Variants in FRMD4A observed in about 807,000 individuals in gnomAD.
FRMD4A encodes the protein FERM domain-containing protein 4A.
FRMD4A carries 29 observed loss-of-function variants against 129.1 expected under a neutral mutation model. The observed-to-expected ratio is 0.22, with a 90% CI of 0.17 to 0.31. The LOEUF (loss-of-function observed/expected upper bound fraction) is 0.31. Ranked by LOEUF, FRMD4A falls within the 10% of genes least tolerant of loss-of-function variation. The pLI is 1.00. For missense variants in FRMD4A, 1,272 were observed against 1,375.8 expected (o/e 0.92, Z 1.19); for synonymous variants, 634 against 571.6 (o/e 1.11, Z -1.56).
intron 12 of FRMD4A, among the ~76,000 whole-genome samples, chr10:13,724,163 C>T (rs12219634): frequency 0.026 from 4,005 of 152,102 alleles, 138 homozygotes; most frequent in East Asian, 0.11. Flanking sequence ...ACGAGGCAGG[C>T]GGATCACGAG....
At chr10:14,253,081 T>C (rs541842278) in intron 2 of FRMD4A, among the ~76,000 whole-genome samples, 75 of 152,372 alleles carry the variant, frequency 4.9e-4, no homozygotes, top group African/African-American at 1.6e-3. Context: ...TAGATTCTTT[T>C]GACATTTATT....
At chr10:14,306,216 G>A (rs182913702) in intron 2 of FRMD4A, among the ~76,000 whole-genome samples, 1 of 152,278 alleles carries the variant, frequency 6.6e-6, no homozygotes, top group African/African-American at 2.4e-5. Context: ...TGTTAGATGA[G>A]AAACATAAAA....
intron 8 of FRMD4A, among the ~76,000 whole-genome samples, chr10:13,750,121 A>AAAGAAAGAAAGAAAGAAATG (rs2091536183): frequency 1.5e-5 from 2 of 131,392 alleles, no homozygotes; most frequent in African/African-American, 5.4e-5. Context: ...AGAAAGAAAG[A>AAAGAAAGAAAGAAAGAAATG]AAGAAAGAAA....
At chr10:14,239,627 A>G (rs1377300570) in intron 2 of FRMD4A, among the ~76,000 whole-genome samples, 1 of 145,888 alleles carries the variant, frequency 6.9e-6, no homozygotes, top group African/African-American at 2.5e-5. Flanking sequence ...ACTCCGTCTC[A>G]AGAAAAAACA....
chr10:13,675,019 C>T lies in FRMD4A; in HGVS notation c.1143G>A (p.Gln381=). 2 of 1,613,696 alleles carry T rather than the reference C, an allele frequency of 1.2e-6. No homozygotes were observed. Among genetic ancestry groups the T allele is most frequent in the Non-Finnish European group, 1.7e-6 (2 of 1,180,004 alleles). ...SSGSQESDSS[Q]SAKKDMLAAL... Reference sequence around the variant, plus strand: ...CAGCCAGCATGTCCTTCTTGGCCGACTGCGAGCTATCTGATTCCTGAGAAC... The same window carrying T: ...CAGCCAGCATGTCCTTCTTGGCCGATTGCGAGCTATCTGATTCCTGAGAAC... Residue 381 remains glutamine, a synonymous_variant, in exon 16 of 25, where the codon CAG becomes CAA. Coordinates refer to ENST00000357447, the MANE Select transcript of FRMD4A (RefSeq NM_018027.5).
chr10:14,023,496 C>T (rs1168879908), intron 2 of FRMD4A, among the ~76,000 whole-genome samples: 1 of 152,160 alleles, frequency 6.6e-6, no homozygotes, highest in South Asian at 2.1e-4. Flanking sequence ...GGTAACAGCT[C>T]ACAGCCGCCT....
intron 6 of FRMD4A, among the ~76,000 whole-genome samples, chr10:13,770,699 C>T (rs771326275): frequency 1.3e-5 from 2 of 152,174 alleles, no homozygotes; most frequent in Admixed American, 1.3e-4. Context: ...CTGCCTTGGC[C>T]TCCCAAAGTG....
At chr10:13,799,494 T>A (rs1177617064) in intron 4 of FRMD4A, among the ~76,000 whole-genome samples, 1 of 152,172 alleles carries the variant, frequency 6.6e-6, no homozygotes, top group Non-Finnish European at 1.5e-5. Context: ...TGCCACGAGA[T>A]CTACCTCATG....
chr10:13,949,487 G>A (rs1288084167), intron 2 of FRMD4A, among the ~76,000 whole-genome samples: 4 of 152,072 alleles, frequency 2.6e-5, no homozygotes, highest in Non-Finnish European at 2.9e-5. Context: ...CCAGATTTGG[G>A]AAATACATCA....
chr10:13,782,952 G>A lies in FRMD4A; in HGVS notation c.354C>T (p.Phe118=). 6.6e-7 allele frequency: 1 copy of A among 1,521,548 alleles called. No homozygotes were observed. The highest frequency in any genetic ancestry group is 1.4e-5 in the African/African-American group (1 of 73,206). The allele number at this position is 1,521,548 out of a possible 1,614,324, so 94.3% of individuals were successfully genotyped here. The change falls in exon 6 of 25, where the codon TTC becomes TTT. Residue 118 remains phenylalanine, a synonymous_variant. Transcript: ENST00000357447. ...AGATGCAGGACTTCGCGTTCAGAAAGAAAAGCTCAATGGTAGCATTATCCT... is the reference window on the plus strand; with the variant it reads ...AGATGCAGGACTTCGCGTTCAGAAAAAAAAGCTCAATGGTAGCATTATCCT... The part of the protein sequence containing the change: ...YLKDNATIEL[F]FLNAKSCIYK...
At chr10:14,008,270 T>A in intron 2 of FRMD4A, 1 of 1,033,048 alleles carries the variant, frequency 9.7e-7, no homozygotes, top group Non-Finnish European at 1.2e-6. Flanking sequence ...TCCTGGAGGG[T>A]TCCCAAATAT....
intron 2 of FRMD4A, among the ~76,000 whole-genome samples, chr10:14,077,049 G>A (rs1835653251): frequency 1.3e-5 from 2 of 152,118 alleles, no homozygotes; most frequent in Non-Finnish European, 2.9e-5. Context: ...CTCTCACAGA[G>A]GTCCTGGGCC....
At chr10:13,866,834 A>G (rs2094373715) in intron 2 of FRMD4A, among the ~76,000 whole-genome samples, 1 of 152,066 alleles carries the variant, frequency 6.6e-6, no homozygotes, top group Admixed American at 6.5e-5. Flanking sequence ...TGTAATCCCA[A>G]CTACTGGGGA....
chr10:14,119,887 T>A (rs1838403242), intron 2 of FRMD4A, among the ~76,000 whole-genome samples: 1 of 152,044 alleles, frequency 6.6e-6, no homozygotes, highest in Non-Finnish European at 1.5e-5. Context: ...GCAGAGCAGG[T>A]GACAGCTGTT....
chr10:14,306,333 C>T (rs1175413056), intron 2 of FRMD4A, among the ~76,000 whole-genome samples: 1 of 152,054 alleles, frequency 6.6e-6, no homozygotes, highest in African/African-American at 2.4e-5. Flanking sequence ...ACGCCTGTTC[C>T]CAACACAGAG....
At chr10:13,713,105 T>G (rs1173670541) in intron 12 of FRMD4A, among the ~76,000 whole-genome samples, 1 of 152,164 alleles carries the variant, frequency 6.6e-6, no homozygotes. Flanking sequence ...GAACCTCGTC[T>G]TCCCCCGCTG....
At chr10:13,864,338 C>CAAA (rs149602938) in intron 2 of FRMD4A, among the ~76,000 whole-genome samples, 52,423 of 113,714 alleles carry the variant, frequency 0.46, 10,706 homozygotes, top group East Asian at 0.61. Flanking sequence ...CATCTTGAGT[C>CAAA]AAAAAAAAAA....
At chr10:13,948,535 G>T (rs977203236) in intron 2 of FRMD4A, among the ~76,000 whole-genome samples, 1 of 152,156 alleles carries the variant, frequency 6.6e-6, no homozygotes. Context: ...TGAAGATGGG[G>T]AGGGGTTAGG....
At chr10:14,165,981 G>A (rs1401771064) in intron 2 of FRMD4A, among the ~76,000 whole-genome samples, 2 of 151,840 alleles carry the variant, frequency 1.3e-5, no homozygotes, top group Admixed American at 6.6e-5. Flanking sequence ...TGTAACAAAC[G>A]TATCCATGTG....
Sources: allele counts gnomAD v4.1 joint callset (sites outside exome capture counted in the v4.1 genomes callset), GRCh38; gene constraint gnomAD v4.1.1; transcripts MANE v1.5; gene names NCBI Gene and HGNC (gene_info 2026-07-23, HGNC 2026-07-21).